BNC2: variants seen among roughly 807,000 people sequenced by gnomAD.
BNC2 encodes zinc finger protein basonuclin-2.
Under a neutral mutation model 76.3 loss-of-function variants are expected in BNC2, and 20 were observed. That is an observed-to-expected ratio of 0.26 (90% CI 0.18 to 0.38). BNC2 has a LOEUF of 0.38. Ranked by LOEUF, BNC2 falls within the 10% of genes least tolerant of loss-of-function variation. The pLI, the probability that BNC2 is intolerant of heterozygous loss-of-function variation, is 1.00. For missense variants in BNC2, 1,382 were observed against 1,399.8 expected (o/e 0.99, Z 0.20); for synonymous variants, 582 against 514.8 (o/e 1.13, Z -1.77).
intron 1 of BNC2, among the ~76,000 whole-genome samples, chr9:16,753,731 A>G (rs1186409805): frequency 6.6e-6 from 1 of 152,206 alleles, no homozygotes; most frequent in Non-Finnish European, 1.5e-5. Context: ...AGCTTCATAA[A>G]TATTTCTTCA....
chr9:16,810,546 A>G (rs757719405), intron 1 of BNC2, among the ~76,000 whole-genome samples: 2 of 152,254 alleles, frequency 1.3e-5, no homozygotes, highest in Non-Finnish European at 2.9e-5. Context: ...TTCATGGGGA[A>G]GGCCCTGGCA....
Position 16,660,345 on chromosome 9 carries a change from T to C in BNC2, c.330+67452A>G, listed in dbSNP as rs183918523. On this transcript the variant is annotated intron_variant, in intron 3 of 6. Transcript: ENST00000380672. The stretch of plus-strand genomic sequence containing the variant: ...GGCACACGCCTGTAATCCCAGCTAC[T>C]AGGGAGGCTGAGGAAGGAGAATAGC... Among the ~76,000 whole-genome samples, 95 of 151,256 alleles carry C rather than the reference T, an allele frequency of 6.3e-4. 1 individual carries two copies. The highest frequency in any genetic ancestry group is 1.9e-4 in the Non-Finnish European group (13 of 67,908).
intron 1 of BNC2, among the ~76,000 whole-genome samples, chr9:16,746,874 A>G (rs1825024696): frequency 6.6e-6 from 1 of 151,586 alleles, no homozygotes; most frequent in Non-Finnish European, 1.5e-5. Context: ...AGGCAGGAGA[A>G]TGAAGTAAAC....
intron 5 of BNC2, among the ~76,000 whole-genome samples, chr9:16,474,246 A>G (rs1458927776): frequency 6.6e-6 from 1 of 152,264 alleles, no homozygotes; most frequent in African/African-American, 2.4e-5. Flanking sequence ...CTCCCAGGAA[A>G]AAATAAATTA....
intron 1 of BNC2, among the ~76,000 whole-genome samples, chr9:16,779,758 T>C (rs1194794917): frequency 6.6e-6 from 1 of 152,164 alleles, no homozygotes; most frequent in African/African-American, 2.4e-5. Context: ...ATTCCATTTG[T>C]ATGAAATGTC....
At position 16,507,250 on chromosome 9, in the gene BNC2, CTTTTTTTTT is replaced by C. The variant is rs36072200; in HGVS notation, c.669+45271_669+45279del. On this transcript the variant is annotated intron_variant, in intron 5 of 6. Coordinates refer to ENST00000380672, the MANE Select transcript of BNC2 (RefSeq NM_017637.6). The stretch of plus-strand genomic sequence containing the variant: ...CTTTTGAGGGCAGTGTGTCCATTTG[CTTTTTTTTT>C]TTTTTTTTTTTTTTTTGAGACGGAG... 1.7e-4 allele frequency among the ~76,000 whole-genome samples: 14 copies of C among 83,186 alleles called. No individual in the cohort carries two copies. The East Asian group carries it at 4.7e-3, about 28-fold the overall frequency. 54.6% of individuals were successfully genotyped at this position (83,186 alleles called of 152,430 possible).
At chr9:16,677,578 A>AACACACACACC (rs1554706100) in intron 3 of BNC2, among the ~76,000 whole-genome samples, 12 of 139,256 alleles carry the variant, frequency 8.6e-5, no homozygotes, top group Non-Finnish European at 1.2e-4. Context: ...GTCTCAAACA[A>AACACACACACC]ACACACACAC....
intron 3 of BNC2, among the ~76,000 whole-genome samples, chr9:16,677,202 T>G (rs1455339339): frequency 6.6e-6 from 1 of 152,194 alleles, no homozygotes; most frequent in African/African-American, 2.4e-5. Context: ...TCCTTCAATC[T>G]GTCCGACAGT....
At chr9:16,659,445 T>TA (rs1452678945) in intron 3 of BNC2, among the ~76,000 whole-genome samples, 1 of 151,956 alleles carries the variant, frequency 6.6e-6, no homozygotes, top group South Asian at 2.1e-4. Flanking sequence ...CCATCTCTAC[T>TA]AAAAACACAA....
chr9:16,501,280 C>T (rs560961020), intron 5 of BNC2, among the ~76,000 whole-genome samples: 5 of 152,142 alleles, frequency 3.3e-5, no homozygotes, highest in Admixed American at 6.6e-5. Flanking sequence ...ATGAGTAATG[C>T]TTAACATTTT....
At chr9:16,535,383 T>C (rs1818099603) in intron 5 of BNC2, among the ~76,000 whole-genome samples, 1 of 152,228 alleles carries the variant, frequency 6.6e-6, no homozygotes, top group African/African-American at 2.4e-5. Context: ...GAATGTCCTA[T>C]GTTCACTATA....
At chr9:16,726,614 A>G (rs553081246) in intron 3 of BNC2, among the ~76,000 whole-genome samples, 1 of 151,398 alleles carries the variant, frequency 6.6e-6, no homozygotes, top group East Asian at 1.9e-4. Context: ...GAGTGGCACA[A>G]CATTTCTTAA....
At chr9:16,788,411 G>A (rs1178669824) in intron 1 of BNC2, among the ~76,000 whole-genome samples, 1 of 151,936 alleles carries the variant, frequency 6.6e-6, no homozygotes, top group East Asian at 1.9e-4. Context: ...AAATTAGCCG[G>A]GCGTGGTGGT....
intron 3 of BNC2, among the ~76,000 whole-genome samples, chr9:16,653,676 G>T (rs753654336): frequency 6.6e-6 from 1 of 152,096 alleles, no homozygotes; most frequent in Non-Finnish European, 1.5e-5. Context: ...CTGCTCCTGT[G>T]GGGTTCATCT....
chr9:16,736,578 C>T (rs1170656618), intron 2 of BNC2, among the ~76,000 whole-genome samples: 2 of 150,804 alleles, frequency 1.3e-5, no homozygotes, highest in African/African-American at 4.9e-5. Flanking sequence ...CAGGTTCAAG[C>T]GATTCTTCTA....
intron 5 of BNC2, among the ~76,000 whole-genome samples, chr9:16,472,392 A>G (rs1217050302): frequency 6.6e-6 from 1 of 152,184 alleles, no homozygotes; most frequent in Non-Finnish European, 1.5e-5. Context: ...AGAATGATGG[A>G]AATTAGGAAA....
At chr9:16,826,832 A>C (rs1426420689) in intron 1 of BNC2, among the ~76,000 whole-genome samples, 2 of 152,200 alleles carry the variant, frequency 1.3e-5, no homozygotes, top group African/African-American at 2.4e-5. Flanking sequence ...AGATGGATGG[A>C]TGGATGATCG....
chr9:16,566,843 G>A (rs1314301037), intron 4 of BNC2, among the ~76,000 whole-genome samples: 3 of 152,100 alleles, frequency 2.0e-5, no homozygotes, highest in African/African-American at 7.2e-5. Context: ...AAAAGACCTG[G>A]AGGAAAAACA....
chr9:16,868,720 C>G lies in BNC2; in HGVS notation c.3+1926G>C, dbSNP rs539943750. The stretch of plus-strand genomic sequence containing the variant: ...AGCGCACTCTGGGAACTAAGAACTT[C>G]ATTAAGACTGAACAGTTTACATGAA... On this transcript the variant is annotated intron_variant, in intron 1 of 6. Transcript: ENST00000380672. 7.2e-5 allele frequency among the ~76,000 whole-genome samples: 11 copies of G among 152,280 alleles called. No homozygotes were observed. The South Asian group carries it at 2.3e-3, about 32-fold the overall frequency.
Sources: gnomAD v4.1 joint callset for allele counts (sites outside exome capture counted in the v4.1 genomes callset) on GRCh38, gnomAD v4.1.1 for gene constraint, MANE v1.5 for transcripts, NCBI Gene and HGNC (gene_info 2026-07-23, HGNC 2026-07-21) for gene names.